Variants in VWC2L observed in about 807,000 individuals in gnomAD.
The protein encoded by VWC2L is von Willebrand factor C domain-containing protein 2-like.
VWC2L carries 10 observed loss-of-function variants against 21.6 expected under a neutral mutation model. That is an observed-to-expected ratio of 0.46 (90% CI 0.29 to 0.78). The LOEUF is 0.78. VWC2L is among the 30% of genes least tolerant of loss of function. The pLI is 0.10. For missense variants in VWC2L, 209 were observed against 277.1 expected, an observed-to-expected ratio of 0.75 and a Z score of 1.74; for synonymous variants, 96 against 94.3, an observed-to-expected ratio of 1.02 and a Z score of -0.10.
At chr2:214,563,546 C>CAAAAAAAAAAAAAAAAAAAAAAAAAA (rs55864016) in intron 3 of VWC2L, among the ~76,000 whole-genome samples, 9 of 95,894 alleles carry the variant, frequency 9.4e-5, no homozygotes, top group Admixed American at 1.1e-4. Context: ...GACTCCGTCT[C>CAAAAAAAAAAAAAAAAAAAAAAAAAA]AAAAAAAAAA....
chr2:214,536,090 T>G (rs866697319), intron 3 of VWC2L, among the ~76,000 whole-genome samples: 24 of 152,164 alleles, frequency 1.6e-4, no homozygotes, highest in Middle Eastern at 6.3e-3. Flanking sequence ...GACCTGTTTT[T>G]GCTCACCATT....
chr2:214,439,752 C>T (rs1040236048), intron 3 of VWC2L, among the ~76,000 whole-genome samples: 2 of 151,750 alleles, frequency 1.3e-5, no homozygotes, highest in Non-Finnish European at 2.9e-5. Context: ...TGGAATCCAT[C>T]ACACCTAACC....
In VWC2L at chr2:214,575,937, C is replaced by A; in HGVS notation, c.*117C>A. On this transcript the variant is annotated 3_prime_UTR_variant, in exon 4 of 4. Transcript: ENST00000312504. ...CTGCCAGCTACAACAGGGTCACCAGCAAAACTTTCTAGGGTTGACAAAAGT... is the reference window on the plus strand; with the variant it reads ...CTGCCAGCTACAACAGGGTCACCAGAAAAACTTTCTAGGGTTGACAAAAGT... 1 of 1,232,076 alleles carries A rather than the reference C, an allele frequency of 8.1e-7. No homozygotes were observed. Among genetic ancestry groups the A allele is most frequent in the Non-Finnish European group, 1.1e-6 (1 of 896,124 alleles). The allele number at this position is 1,232,076 out of a possible 1,614,324, so 76.3% of individuals were successfully genotyped here. A position where few individuals can be genotyped will look rare whatever the true frequency, so the allele number is the denominator to read the frequency against.
At chr2:214,567,740 GA>G (rs558650347) in intron 3 of VWC2L, among the ~76,000 whole-genome samples, 1 of 152,168 alleles carries the variant, frequency 6.6e-6, no homozygotes, top group East Asian at 1.9e-4. Context: ...ATGGAGCACA[GA>G]AAAAAATGGT....
At chr2:214,551,977 C>T (rs1689801954) in intron 3 of VWC2L, among the ~76,000 whole-genome samples, 1 of 152,222 alleles carries the variant, frequency 6.6e-6, no homozygotes, top group South Asian at 2.1e-4. Context: ...ACTTACCTGT[C>T]CCCATCCTTA....
intron 3 of VWC2L, among the ~76,000 whole-genome samples, chr2:214,512,900 G>A (rs573121235): frequency 6.6e-6 from 1 of 152,196 alleles, no homozygotes; most frequent in African/African-American, 2.4e-5. Context: ...TGCTAAGAAG[G>A]TCCTCCTGAA....
At chr2:214,454,598 C>CTTATTTTTTTT (rs1703026139) in intron 3 of VWC2L, among the ~76,000 whole-genome samples, 1 of 64,134 alleles carries the variant, frequency 1.6e-5, no homozygotes, top group Non-Finnish European at 2.7e-5. Context: ...GATTGATTTT[C>CTTATTTTTTTT]TTTTTTTTTT....
At chr2:214,544,042 A>C (rs1689667537) in intron 3 of VWC2L, among the ~76,000 whole-genome samples, 1 of 152,172 alleles carries the variant, frequency 6.6e-6, no homozygotes. Flanking sequence ...AAAACACAGA[A>C]ATAGTATTGT....
At chr2:214,423,937 C>G (rs1405822723) in intron 2 of VWC2L, among the ~76,000 whole-genome samples, 3 of 151,770 alleles carry the variant, frequency 2.0e-5, no homozygotes, top group Non-Finnish European at 1.5e-5. Context: ...ACTCTCACCT[C>G]TCACTAGATG....
At position 214,437,767 on chromosome 2, in the gene VWC2L, C is replaced by A. The variant is rs114480610; in HGVS notation, c.520+1009C>A. On this transcript the variant is annotated intron_variant, in intron 3 of 3. Coordinates refer to ENST00000312504, the MANE Select transcript of VWC2L (RefSeq NM_001080500.4). ...AAAATAAGCATAAAGATATCTTTTACCTTTTATAAAAGATAAAAAAATATT... is the reference window on the plus strand; with the variant it reads ...AAAATAAGCATAAAGATATCTTTTAACTTTTATAAAAGATAAAAAAATATT... 2.8e-3 allele frequency among the ~76,000 whole-genome samples: 423 copies of A among 152,038 alleles called. 1 individual carries two copies. Among genetic ancestry groups the A allele is most frequent in the African/African-American group, 9.9e-3 (411 of 41,496 alleles).
intron 3 of VWC2L, among the ~76,000 whole-genome samples, chr2:214,445,644 T>A (rs944828147): frequency 4.2e-4 from 64 of 151,924 alleles, no homozygotes; most frequent in African/African-American, 1.5e-3. Context: ...CTTAACTCTA[T>A]ATGATATGAT....
intron 3 of VWC2L, among the ~76,000 whole-genome samples, chr2:214,548,349 T>G (rs1689742324): frequency 6.6e-6 from 1 of 152,218 alleles, no homozygotes; most frequent in Admixed American, 6.5e-5. Flanking sequence ...AGGATCTGCG[T>G]GGGCATTTAA....
At chr2:214,466,845 G>A (rs1452268450) in intron 3 of VWC2L, among the ~76,000 whole-genome samples, 1 of 152,014 alleles carries the variant, frequency 6.6e-6, no homozygotes, top group Non-Finnish European at 1.5e-5. Flanking sequence ...CTGTTTTAAT[G>A]TTTTTGTCTG....
At chr2:214,574,070 A>C (rs998637597) in intron 3 of VWC2L, among the ~76,000 whole-genome samples, 3 of 152,200 alleles carry the variant, frequency 2.0e-5, no homozygotes, top group Admixed American at 2.0e-4. Context: ...CAAGTCCTGG[A>C]GGCAGAAGTT....
chr2:214,458,392 TGATA>T (rs1469459212), intron 3 of VWC2L, among the ~76,000 whole-genome samples: 2 of 152,112 alleles, frequency 1.3e-5, no homozygotes, highest in East Asian at 1.9e-4. Flanking sequence ...TTTGTTTGCT[TGATA>T]TTCTATGTTG....
At chr2:214,540,225 C>T (rs1212144286) in intron 3 of VWC2L, among the ~76,000 whole-genome samples, 4 of 152,070 alleles carry the variant, frequency 2.6e-5, no homozygotes, top group Admixed American at 6.6e-5. Flanking sequence ...ATAGATTGCA[C>T]CATTAAAAAT....
intron 3 of VWC2L, among the ~76,000 whole-genome samples, chr2:214,450,523 G>A (rs1702938195): frequency 6.6e-6 from 1 of 152,152 alleles, no homozygotes; most frequent in Non-Finnish European, 1.5e-5. Context: ...AAACACATCA[G>A]TTTAGTTACA....
chr2:214,417,081 T>G (rs1337710148), intron 2 of VWC2L, among the ~76,000 whole-genome samples: 1 of 152,138 alleles, frequency 6.6e-6, no homozygotes, highest in Admixed American at 6.5e-5. Flanking sequence ...CCATAATCTG[T>G]CATCTTGATT....
intron 3 of VWC2L, among the ~76,000 whole-genome samples, chr2:214,572,702 A>T (rs1439251827): frequency 6.6e-6 from 1 of 152,146 alleles, no homozygotes; most frequent in Non-Finnish European, 1.5e-5. Context: ...AATTATCTAA[A>T]TTACTTTTAA....
Sources: gnomAD v4.1 joint callset for allele counts (sites outside exome capture counted in the v4.1 genomes callset) on GRCh38, gnomAD v4.1.1 for gene constraint, MANE v1.5 for transcripts, NCBI Gene and HGNC (gene_info 2026-07-23, HGNC 2026-07-21) for gene names.